Variants in NOL4 observed in about 807,000 individuals in gnomAD.
NOL4 encodes nucleolar protein 4.
In NOL4, 17 loss-of-function variants were observed where a neutral mutation model predicts 75.9. The observed-to-expected ratio is 0.22, with a 90% CI of 0.15 to 0.34. The LOEUF (loss-of-function observed/expected upper bound fraction) is 0.34. NOL4 is among the 10% of genes least tolerant of loss of function. NOL4 has a pLI of 1.00. For synonymous variants in NOL4, 292 were observed against 289.9 expected (o/e 1.01, Z -0.07); for missense variants, 614 against 793.5 (o/e 0.77, Z 2.72).
chr18:34,194,490 G>C (rs1406044967), intron 1 of NOL4, among the ~76,000 whole-genome samples: 1 of 125,288 alleles, frequency 8.0e-6, no homozygotes, highest in African/African-American at 3.2e-5. Context: ...GCAGGCAGGC[G>C]AGAAAAGAAT....
chr18:34,015,189 T>C (rs1319642247), intron 6 of NOL4, among the ~76,000 whole-genome samples: 1 of 151,996 alleles, frequency 6.6e-6, no homozygotes, highest in Non-Finnish European at 1.5e-5. Flanking sequence ...CCTAGAGCAC[T>C]CTACATTTGG....
chr18:33,976,871 T>C lies in NOL4; in HGVS notation c.1057-18453A>G, dbSNP rs545153658. Among the ~76,000 whole-genome samples the C allele has an allele frequency of 1.8e-3, 271 of 152,246 alleles. 1 individual carries two copies. Among genetic ancestry groups the C allele is most frequent in the Middle Eastern group, 0.014 (4 of 294 alleles). On this transcript the variant is annotated intron_variant, in intron 6 of 10. Coordinates refer to ENST00000261592, the MANE Select transcript of NOL4 (RefSeq NM_003787.5). ...TATTTTTATTCAAAAGGAAGTAGTT[T>C]TATATAAATATTTATTTCACTGGCC...
At chr18:34,086,945 G>A (rs925264296) in intron 5 of NOL4, among the ~76,000 whole-genome samples, 1 of 152,134 alleles carries the variant, frequency 6.6e-6, no homozygotes, top group Non-Finnish European at 1.5e-5. Context: ...ACATATACTA[G>A]GAATGAACTT....
intron 9 of NOL4, among the ~76,000 whole-genome samples, chr18:33,886,881 A>ATATATCTAGATATAT (rs1373334644): frequency 5.7e-5 from 8 of 140,256 alleles, no homozygotes; most frequent in African/African-American, 2.1e-4. Context: ...ATATATATCT[A>ATATATCTAGATATAT]TATATCTAGA....
At chr18:34,002,268 C>T (rs2073767822) in intron 6 of NOL4, among the ~76,000 whole-genome samples, 1 of 151,742 alleles carries the variant, frequency 6.6e-6, no homozygotes, top group African/African-American at 2.4e-5. Context: ...TTCCAGTAGC[C>T]CCCCCATTCT....
intron 10 of NOL4, among the ~76,000 whole-genome samples, chr18:33,861,920 T>G (rs1406195991): frequency 1.3e-5 from 2 of 152,098 alleles, no homozygotes; most frequent in African/African-American, 4.8e-5. Context: ...AAAAAACTAC[T>G]TTCAAGTTCA....
At chr18:33,979,807 T>C (rs558849658) in intron 6 of NOL4, among the ~76,000 whole-genome samples, 1 of 152,206 alleles carries the variant, frequency 6.6e-6, no homozygotes, top group Admixed American at 6.6e-5. Context: ...AAAGCTTTAA[T>C]TTCTCAGAGC....
intron 6 of NOL4, among the ~76,000 whole-genome samples, chr18:33,981,787 T>A (rs1449080077): frequency 6.6e-6 from 1 of 152,110 alleles, no homozygotes; most frequent in Non-Finnish European, 1.5e-5. Context: ...TAAAAATATT[T>A]TTTCTCATTC....
At chr18:33,935,039 A>AT (rs1380393082) in intron 9 of NOL4, among the ~76,000 whole-genome samples, 1 of 151,812 alleles carries the variant, frequency 6.6e-6, no homozygotes, top group Non-Finnish European at 1.5e-5. Flanking sequence ...TTTAAAAAAC[A>AT]TTTTTGTAGA....
intron 1 of NOL4, among the ~76,000 whole-genome samples, chr18:34,136,886 T>C (rs1163993083): frequency 6.6e-6 from 1 of 151,940 alleles, no homozygotes; most frequent in Admixed American, 6.6e-5. Flanking sequence ...AAATTCGGAG[T>C]TCATACACTT....
rs895998784 is a variant in NOL4 at position 34,110,119 on chromosome 18, G to T, written c.415-4959C>A. On this transcript the variant is annotated intron_variant, in intron 2 of 10. Coordinates refer to ENST00000261592, the MANE Select transcript of NOL4 (RefSeq NM_003787.5). ...TCCTTCTCAAACTCCTTCCATCCCC[G>T]CCCTCCCACAAAAAAAAAAAAAAAA... Among the ~76,000 whole-genome samples the T allele has an allele frequency of 7.6e-3, 418 of 54,696 alleles. 5 individuals are homozygous for T. Among genetic ancestry groups the T allele is most frequent in the African/African-American group, 0.029 (405 of 14,042 alleles). The allele number at this position is 54,696 out of a possible 152,430, so 35.9% of individuals were successfully genotyped here.
At chr18:34,189,287 GT>G (rs1423901168) in intron 1 of NOL4, among the ~76,000 whole-genome samples, 1 of 152,122 alleles carries the variant, frequency 6.6e-6, no homozygotes, top group African/African-American at 2.4e-5. Flanking sequence ...AACTCTTCCA[GT>G]CCAGCAAGAG....
chr18:33,923,840 C>G (rs569081600), intron 9 of NOL4, among the ~76,000 whole-genome samples: 8 of 152,136 alleles, frequency 5.3e-5, no homozygotes, highest in Non-Finnish European at 1.2e-4. Flanking sequence ...TTTACAGCAT[C>G]TAAACCTTTC....
At position 33,912,078 on chromosome 18, in the gene NOL4, A is replaced by G. The variant is rs118016157; in HGVS notation, c.1543-28654T>C. ...TCATATTTGTATAAGTCAATTCTCT[A>G]TAATATGTAGTGTCTTCAGTTCTTA... On this transcript the variant is annotated intron_variant, in intron 9 of 10. Coordinates refer to ENST00000261592, the MANE Select transcript of NOL4 (RefSeq NM_003787.5). Among the ~76,000 whole-genome samples the G allele has an allele frequency of 8.8e-3, 1,334 of 152,174 alleles. 9 individuals carry two copies. The highest frequency in any genetic ancestry group is 0.011 in the Non-Finnish European group (771 of 67,976).
intron 1 of NOL4, among the ~76,000 whole-genome samples, chr18:34,187,350 C>A (rs2034542293): frequency 7.0e-6 from 1 of 142,588 alleles, no homozygotes. Flanking sequence ...TATGTCTTTT[C>A]ATGGTTTAAT....
chr18:34,006,497 T>C (rs1428199814), intron 6 of NOL4, among the ~76,000 whole-genome samples: 1 of 152,036 alleles, frequency 6.6e-6, no homozygotes, highest in Non-Finnish European at 1.5e-5. Flanking sequence ...TCCCCTGGGG[T>C]AACCAGCCAG....
At chr18:33,886,837 A>ATATATCTAGATATAT (rs1568009457) in intron 9 of NOL4, among the ~76,000 whole-genome samples, 1 of 127,060 alleles carries the variant, frequency 7.9e-6, no homozygotes, top group African/African-American at 2.8e-5. Flanking sequence ...ATATATATCT[A>ATATATCTAGATATAT]TATATCTAGA....
chr18:34,093,354 G>T, intron 5 of NOL4, 111 bp downstream of exon 5: 1 of 1,077,452 alleles, frequency 9.3e-7, no homozygotes, highest in Non-Finnish European at 1.3e-6. Flanking sequence ...CATAGAAATG[G>T]GTAGATTTTT....
At chr18:34,071,586 T>C (rs533184795) in intron 5 of NOL4, among the ~76,000 whole-genome samples, 1 of 152,268 alleles carries the variant, frequency 6.6e-6, no homozygotes, top group East Asian at 1.9e-4. Flanking sequence ...CATTCTGTTT[T>C]TAACTTTCAG....
Sources: gnomAD v4.1 joint callset for allele counts (sites outside exome capture counted in the v4.1 genomes callset) on GRCh38, gnomAD v4.1.1 for gene constraint, MANE v1.5 for transcripts, NCBI Gene and HGNC (gene_info 2026-07-23, HGNC 2026-07-21) for gene names.